CTNNA3: variants seen among roughly 807,000 people sequenced by gnomAD.
The protein encoded by CTNNA3 is catenin alpha-3.
A neutral mutation model predicts 95.7 loss-of-function variants in CTNNA3; 76 were observed. The observed-to-expected ratio is 0.79, with a 90% CI of 0.66 to 0.96. The LOEUF (loss-of-function observed/expected upper bound fraction) is 0.96, where lower values mean the gene tolerates loss of function less well. Among genes scored for constraint, CTNNA3 ranks in the 40% least tolerant of loss-of-function variants. The pLI is 0.00. For synonymous variants in CTNNA3, 431 were observed against 374.4 expected, an observed-to-expected ratio of 1.15 and a Z score of -1.74; for missense variants, 1,191 against 1,089.8, an observed-to-expected ratio of 1.09 and a Z score of -1.31.
At chr10:66,518,961 G>A (rs917476454) in intron 11 of CTNNA3, among the ~76,000 whole-genome samples, 3 of 151,928 alleles carry the variant, frequency 2.0e-5, no homozygotes, top group African/African-American at 7.2e-5. Context: ...TTTTCATTAT[G>A]AGAATGTATA....
intron 5 of CTNNA3, among the ~76,000 whole-genome samples, chr10:67,307,106 C>T (rs1840585906): frequency 2.0e-5 from 3 of 152,188 alleles, no homozygotes; most frequent in African/African-American, 7.2e-5. Context: ...TATGCTTTAA[C>T]AGACACATGG....
Position 67,624,883 on chromosome 10 carries a change from A to G in CTNNA3, c.100-17834T>C, listed in dbSNP as rs141901123. Among the ~76,000 whole-genome samples, 28 of 152,358 alleles carry G rather than the reference A, an allele frequency of 1.8e-4. No individual in the cohort carries two copies. The East Asian group carries it at 5.0e-3, about 27-fold the overall frequency. On this transcript the variant is annotated intron_variant, in intron 2 of 17. Transcript: ENST00000433211. ...CATTTGTATGACTAGTCTTAGATGTAATGACTCTGGTATATTTTTGCTATG... is the reference window on the plus strand; with the variant it reads ...CATTTGTATGACTAGTCTTAGATGTGATGACTCTGGTATATTTTTGCTATG...
At chr10:66,103,291 G>A (rs539623874) in intron 13 of CTNNA3, 42 bp from the exon 14 acceptor site, 13 of 1,506,578 alleles carry the variant, frequency 8.6e-6, no homozygotes, top group South Asian at 1.1e-5. Flanking sequence ...GAATGTAAAA[G>A]CATTTCTTCT....
intron 5 of CTNNA3, among the ~76,000 whole-genome samples, chr10:67,517,171 C>T (rs1394397797): frequency 2.6e-5 from 4 of 152,014 alleles, no homozygotes; most frequent in African/African-American, 9.7e-5. Flanking sequence ...TTTTAGCAAC[C>T]TCTATACTTT....
chr10:67,495,061 T>C (rs1339378246), intron 5 of CTNNA3, among the ~76,000 whole-genome samples: 3 of 152,210 alleles, frequency 2.0e-5, no homozygotes, highest in Non-Finnish European at 4.4e-5. Flanking sequence ...GGGCATTCTG[T>C]ATTATTTTAT....
At chr10:67,052,310 ATCACTCTC>A (rs757071951) in intron 7 of CTNNA3, among the ~76,000 whole-genome samples, 12 of 92,836 alleles carry the variant, frequency 1.3e-4, no homozygotes, top group African/African-American at 4.9e-4. Flanking sequence ...ACACCCACTC[ATCACTCTC>A]TCTCTCTCTC....
intron 5 of CTNNA3, among the ~76,000 whole-genome samples, chr10:67,378,082 C>T (rs1305683798): frequency 6.6e-6 from 1 of 151,546 alleles, no homozygotes; most frequent in Non-Finnish European, 1.5e-5. Flanking sequence ...AAATCTCTAT[C>T]ACCTTCTTCC....
rs1455757271 is a variant in CTNNA3 at position 66,280,538 on chromosome 10, A to G, written c.1816T>C (p.Phe606Leu). The part of the protein sequence containing the change: ...SSLNVLDDNQ[F>L]VDISKKIYDT... ...TAGATCTTCTTTGAGATGTCCACAA[A>G]TTGATTATCATCCAACACATTCAAT... Residue 606 changes from phenylalanine (F) to leucine (L), a missense_variant, in exon 13 of 18, where the codon TTT (phenylalanine) becomes CTT (leucine). By Grantham distance (22) the Phe-to-Leu change is conservative. Coordinates refer to ENST00000433211, the MANE Select transcript of CTNNA3 (RefSeq NM_013266.4). 1 of 1,610,152 alleles carries G rather than the reference A, an allele frequency of 6.2e-7. No homozygotes were observed. The highest frequency in any genetic ancestry group is 1.1e-5 in the South Asian group (1 of 90,842).
chr10:67,731,576 G>T (rs1385812254), intron 1 of CTNNA3, among the ~76,000 whole-genome samples: 1 of 152,030 alleles, frequency 6.6e-6, no homozygotes, highest in Non-Finnish European at 1.5e-5. Context: ...GCCGAGGCAG[G>T]CGGATCATGA....
At chr10:66,908,575 G>C (rs141996578) in intron 7 of CTNNA3, among the ~76,000 whole-genome samples, 2,040 of 152,084 alleles carry the variant, frequency 0.013, 53 homozygotes, top group African/African-American at 0.046. Context: ...CTTAGGTTAA[G>C]TTTCCTAACT....
chr10:67,094,090 G>C (rs1034881832), intron 7 of CTNNA3, among the ~76,000 whole-genome samples: 1 of 151,862 alleles, frequency 6.6e-6, no homozygotes, highest in African/African-American at 2.4e-5. Flanking sequence ...ATATGATGTT[G>C]ATATAGAGAA....
intron 3 of CTNNA3, among the ~76,000 whole-genome samples, chr10:67,591,314 A>G (rs1842781826): frequency 6.6e-6 from 1 of 152,172 alleles, no homozygotes; most frequent in Admixed American, 6.5e-5. Flanking sequence ...CCAGCATCCA[A>G]TAAAAAATTA....
intron 3 of CTNNA3, among the ~76,000 whole-genome samples, chr10:67,597,996 T>C (rs180735044): frequency 6.6e-6 from 1 of 152,306 alleles, no homozygotes; most frequent in Non-Finnish European, 1.5e-5. Context: ...GAGGCTGTAC[T>C]GCAAGTGGAT....
At chr10:66,106,351 GTGTGTGT>G (rs2081910763) in intron 13 of CTNNA3, among the ~76,000 whole-genome samples, 1 of 149,206 alleles carries the variant, frequency 6.7e-6, no homozygotes, top group Non-Finnish European at 1.5e-5. Flanking sequence ...GTGTGTGTGT[GTGTGTGT>G]GTGTGTGTGT....
intron 5 of CTNNA3, among the ~76,000 whole-genome samples, chr10:67,309,471 A>G (rs1240344599): frequency 6.6e-6 from 1 of 152,184 alleles, no homozygotes; most frequent in African/African-American, 2.4e-5. Flanking sequence ...AATGATGTGG[A>G]CATGGATGAG....
intron 7 of CTNNA3, among the ~76,000 whole-genome samples, chr10:66,874,120 T>TGGG (rs753919221): frequency 0.44 from 66,111 of 151,534 alleles, 14,693 homozygotes; most frequent in Non-Finnish European, 0.48. Flanking sequence ...GTCACAGTCA[T>TGGG]TCAATGAGAG....
At chr10:66,872,790 C>T (rs986611522) in intron 7 of CTNNA3, among the ~76,000 whole-genome samples, 2 of 151,970 alleles carry the variant, frequency 1.3e-5, no homozygotes, top group African/African-American at 4.8e-5. Context: ...ATATTCCTGT[C>T]ACTGAGGCAG....
At chr10:65,922,289 T>A (rs1248428823) in intron 17 of CTNNA3, among the ~76,000 whole-genome samples, 1 of 152,214 alleles carries the variant, frequency 6.6e-6, no homozygotes, top group East Asian at 1.9e-4. Flanking sequence ...TTGCTCTTAT[T>A]TTTGTAATGC....
chr10:66,470,046 A>C (rs756115179), intron 11 of CTNNA3, among the ~76,000 whole-genome samples: 2 of 151,924 alleles, frequency 1.3e-5, no homozygotes, highest in African/African-American at 2.4e-5. Flanking sequence ...TTTAAGTAGT[A>C]AAACACACAT....
Sources: allele counts gnomAD v4.1 joint callset (sites outside exome capture counted in the v4.1 genomes callset), GRCh38; gene constraint gnomAD v4.1.1; transcripts MANE v1.5; gene names NCBI Gene and HGNC (gene_info 2026-07-23, HGNC 2026-07-21).